The following LUC7L2 variants were observed in gnomAD, a reference collection of about 807,000 sequenced individuals.
The protein encoded by LUC7L2 is putative RNA-binding protein Luc7-like 2.
A neutral mutation model predicts 52.8 loss-of-function variants in LUC7L2; 25 were observed. The ratio of observed to expected loss-of-function variants is 0.47; its 90% CI spans 0.34 to 0.66. The LOEUF is 0.66. Among genes scored for constraint, LUC7L2 ranks in the 30% least tolerant of loss-of-function variants. The probability of loss-of-function intolerance (pLI) is 0.01; values close to 1 mark genes in which losing one functional copy is unlikely to be tolerated. For synonymous variants in LUC7L2, 144 were observed against 160.9 expected (o/e 0.89, Z 0.80); for missense variants, 328 against 497.8 (o/e 0.66, Z 3.25).
Position 139,344,130 on chromosome 7 carries a change from G to A in LUC7L2, c.-26+3613G>A, listed in dbSNP as rs544460669. On this transcript the variant is annotated intron_variant, in intron 1 of 10. Transcript: ENST00000541170. ...GTGAATCTCAAAAGTTAAGTATGAT[G>A]AAGAAAAAAGGTTTGGAATCATTTG... Among the ~76,000 whole-genome samples, 16 of 152,146 alleles carry A rather than the reference G, an allele frequency of 1.1e-4. No homozygotes were observed. The South Asian group carries it at 3.1e-3, about 30-fold the overall frequency.
chr7:139,370,420 A>G (rs1411943793), intron 1 of LUC7L2, among the ~76,000 whole-genome samples: 2 of 152,200 alleles, frequency 1.3e-5, no homozygotes, highest in African/African-American at 4.8e-5. Flanking sequence ...AGCAGTAATC[A>G]TCGCTTTTAC....
rs951443644 is a variant in LUC7L2, at chr7:139,371,402, A to C, written c.62-4660A>C. ...TTTTGCTTAGCCTTCACAGTTGTTG[A>C]TCACATAGCATGGTCATCCACTCAC... On this transcript the variant is annotated intron_variant, in intron 1 of 9. Coordinates refer to ENST00000354926, the MANE Select transcript of LUC7L2 (RefSeq NM_016019.5). The C allele has an allele frequency of 2.0e-5, 24 of 1,179,824 alleles. No homozygotes were observed. In the Admixed American group the frequency reaches 4.0e-4, roughly 19 times the overall value. 73.1% of individuals were successfully genotyped at this position (1,179,824 alleles called of 1,614,324 possible). A position where few individuals can be genotyped will look rare whatever the true frequency, so the allele number is the denominator to read the frequency against.
In LUC7L2 at chr7:139,376,256, G is replaced by A. The variant is rs1800704618; in HGVS notation, c.156+100G>A. On this transcript the variant is annotated intron_variant, in intron 2 of 9. Transcript: ENST00000354926. The stretch of plus-strand genomic sequence containing the variant: ...TGTGTCAAAAGAATTGACTTGTGAG[G>A]GGAGATTTGCATCCTTTATTGTTTG... 5 of 1,191,376 alleles carry A rather than the reference G, an allele frequency of 4.2e-6. No homozygotes were observed. In the East Asian group the frequency reaches 7.6e-5, roughly 18 times the overall value. 73.8% of individuals were successfully genotyped at this position (1,191,376 alleles called of 1,614,324 possible). A position where few individuals can be genotyped will look rare whatever the true frequency, so the allele number is the denominator to read the frequency against.
chr7:139,358,725 C>T (rs544623792), upstream of LUC7L2, among the ~76,000 whole-genome samples: 1 of 152,280 alleles, frequency 6.6e-6, no homozygotes, highest in South Asian at 2.1e-4. Flanking sequence ...CGCTCTGTCG[C>T]GCAGGTTGCA....
chr7:139,340,785 T>C (rs1585051552), intron 1 of LUC7L2, among the ~76,000 whole-genome samples: 1 of 151,150 alleles, frequency 6.6e-6, no homozygotes, highest in Non-Finnish European at 1.5e-5. Context: ...CTGTGACTTT[T>C]GTCCTTTTTT....
At chr7:139,368,737 C>G (rs1415003354) in intron 1 of LUC7L2, among the ~76,000 whole-genome samples, 1 of 110,660 alleles carries the variant, frequency 9.0e-6, no homozygotes, top group Non-Finnish European at 1.9e-5. Flanking sequence ...GACACCGTCT[C>G]AAAAAAAAAA....
intron 3 of LUC7L2, among the ~76,000 whole-genome samples, chr7:139,400,025 C>T (rs1794837519): frequency 2.0e-5 from 3 of 152,086 alleles, no homozygotes; most frequent in African/African-American, 4.8e-5. Flanking sequence ...AACCAACAAA[C>T]AGGTCCTCTT....
At chr7:139,402,284 A>T in intron 4 of LUC7L2, 37 bp downstream of exon 4, 1 of 1,514,214 alleles carries the variant, frequency 6.6e-7, no homozygotes, top group Non-Finnish European at 8.8e-7. Flanking sequence ...ACAAAGTATT[A>T]TTTCGACTCC....
At chr7:139,348,156 A>G (rs1444082330) in intron 1 of LUC7L2, among the ~76,000 whole-genome samples, 1 of 151,094 alleles carries the variant, frequency 6.6e-6, no homozygotes, top group Non-Finnish European at 1.5e-5. Flanking sequence ...ATACAATAAT[A>G]TGTACATTAT....
chr7:139,397,425 G>T (rs1014767434), intron 2 of LUC7L2, among the ~76,000 whole-genome samples: 6 of 152,156 alleles, frequency 3.9e-5, no homozygotes, highest in African/African-American at 1.4e-4. Flanking sequence ...CCCTCAAATA[G>T]AATGTAAGCT....
At chr7:139,379,394 A>C (rs1250174171) in intron 2 of LUC7L2, among the ~76,000 whole-genome samples, 1 of 151,218 alleles carries the variant, frequency 6.6e-6, no homozygotes, top group Non-Finnish European at 1.5e-5. Context: ...CATTATAAAG[A>C]GGTTGGAACT....
chr7:139,401,429 A>G (rs1794911224), intron 3 of LUC7L2, among the ~76,000 whole-genome samples: 1 of 152,162 alleles, frequency 6.6e-6, no homozygotes, highest in Admixed American at 6.5e-5. Flanking sequence ...TTTATTTACA[A>G]ATGAATCCTG....
In LUC7L2 at chr7:139,418,605, A is replaced by AT. The variant is rs1044914732; in HGVS notation, c.1001+885dup. Among the ~76,000 whole-genome samples, 973 of 150,542 alleles carry AT rather than the reference A, an allele frequency of 6.5e-3. 12 individuals carry two copies. Among genetic ancestry groups the AT allele is most frequent in the African/African-American group, 0.021 (868 of 41,146 alleles). On this transcript the variant is annotated intron_variant, in intron 9 of 9. Transcript: ENST00000354926. The stretch of plus-strand genomic sequence containing the variant: ...ACAGAAAGCTGTTAAAATCTTTCCT[A>AT]TTTTTTTTTGACTCAACTTTCCATT...
At chr7:139,366,460 T>C (rs2131190420) in intron 1 of LUC7L2, among the ~76,000 whole-genome samples, 1 of 151,136 alleles carries the variant, frequency 6.6e-6, no homozygotes, top group African/African-American at 2.5e-5. Context: ...GTTTAAATGG[T>C]AGACTTTTCT....
intron 1 of LUC7L2, chr7:139,341,312 C>T: frequency 6.5e-7 from 1 of 1,540,632 alleles, no homozygotes; most frequent in Non-Finnish European, 8.8e-7. Flanking sequence ...TACCATTAGG[C>T]GCCTGGGCCG....
intron 2 of LUC7L2, among the ~76,000 whole-genome samples, chr7:139,395,848 A>G (rs908322352): frequency 1.3e-5 from 2 of 151,866 alleles, no homozygotes; most frequent in African/African-American, 4.8e-5. Flanking sequence ...GGGTTTTCTT[A>G]TGTTACCCAG....
intron 6 of LUC7L2, among the ~76,000 whole-genome samples, chr7:139,409,163 A>G (rs1460951159): frequency 1.3e-5 from 2 of 151,684 alleles, no homozygotes; most frequent in African/African-American, 4.9e-5. Context: ...ATCATAGGCC[A>G]GTCTCAGTGG....
At position 139,372,791 on chromosome 7, in the gene LUC7L2, A is replaced by G. The variant is rs186228246; in HGVS notation, c.62-3271A>G. On this transcript the variant is annotated intron_variant, in intron 1 of 9. Transcript: ENST00000354926. ...CCTGTCTCTACAAAAAAATTTAAAA[A>G]ATTAAAAAAATTAATATGTCCTATT... Among the ~76,000 whole-genome samples the G allele has an allele frequency of 7.2e-5, 11 of 152,220 alleles. No homozygotes were observed. The East Asian group carries it at 2.1e-3, about 29-fold the overall frequency.
Position 139,341,768 on chromosome 7 carries a change from C to G in LUC7L2, c.-26+1251C>G, listed in dbSNP as rs138945070. Among the ~76,000 whole-genome samples the G allele has an allele frequency of 1.7e-3, 261 of 152,228 alleles. 3 individuals are homozygous for G. Among genetic ancestry groups the G allele is most frequent in the African/African-American group, 5.8e-3 (242 of 41,574 alleles). On this transcript the variant is annotated intron_variant, in intron 1 of 10. Coordinates refer to the LUC7L2 transcript ENST00000541170. The stretch of plus-strand genomic sequence containing the variant: ...GACGTCAGCCTGTCCTGCAGAGGGG[C>G]GGACCCGTCCCGAAGGATTTCATTG...
Sources: allele counts gnomAD v4.1 joint callset (sites outside exome capture counted in the v4.1 genomes callset), GRCh38; gene constraint gnomAD v4.1.1; transcripts MANE v1.5; gene names NCBI Gene and HGNC (gene_info 2026-07-23, HGNC 2026-07-21).